Variants in GLYATL2 observed in about 807,000 individuals in gnomAD.
GLYATL2 encodes the protein glycine N-acyltransferase-like protein 2.
In GLYATL2, 25 loss-of-function variants were observed where a neutral mutation model predicts 21.4. The ratio of observed to expected loss-of-function variants is 1.17; its 90% confidence interval spans 0.85 to 1.63. The LOEUF (loss-of-function observed/expected upper bound fraction) is 1.63, where lower values mean the gene tolerates loss of function less well. Among genes scored for constraint, GLYATL2 ranks in the 40% most tolerant of loss-of-function variants. The probability of loss-of-function intolerance (pLI) is 0.00; values close to 1 mark genes in which losing one functional copy is unlikely to be tolerated. For synonymous variants in GLYATL2, 114 were observed against 118.2 expected (o/e 0.96, Z 0.23); for missense variants, 361 against 343.3 (o/e 1.05, Z -0.41).
chr11:58,874,121 C>T (rs956945699), intron 1 of GLYATL2, among the ~76,000 whole-genome samples: 30 of 152,128 alleles, frequency 2.0e-4, no homozygotes, highest in South Asian at 4.2e-4. Context: ...TCTGTGGGAT[C>T]GGTGGTGATA....
At chr11:58,902,037 G>A (rs762680414) in intron 1 of GLYATL2, among the ~76,000 whole-genome samples, 2 of 152,282 alleles carry the variant, frequency 1.3e-5, no homozygotes, top group South Asian at 4.1e-4. Context: ...ATCCCCATGA[G>A]TGCATTGTCT....
chr11:58,905,470 C>T (rs1360704264), upstream of GLYATL2: 1 of 456,264 alleles, frequency 2.2e-6, no homozygotes, highest in Non-Finnish European at 4.4e-6. Flanking sequence ...AGCACCTTGG[C>T]GGGCTATTCC....
intron 1 of GLYATL2, among the ~76,000 whole-genome samples, chr11:58,869,524 T>G (rs1241831280): frequency 1.3e-5 from 2 of 152,228 alleles, no homozygotes; most frequent in Non-Finnish European, 2.9e-5. Context: ...GAACATGTTT[T>G]CAGACTGGTG....
intron 5 of GLYATL2, among the ~76,000 whole-genome samples, 183 bp from the exon 6 acceptor site, chr11:58,835,020 A>G (rs546127495): frequency 6.6e-6 from 1 of 152,310 alleles, no homozygotes; most frequent in South Asian, 2.1e-4. Context: ...ATGGGGGAAC[A>G]CTGTGTGTTT....
intron 1 of GLYATL2, among the ~76,000 whole-genome samples, chr11:58,856,521 C>T (rs1227088137): frequency 1.3e-5 from 2 of 152,186 alleles, no homozygotes; most frequent in Non-Finnish European, 2.9e-5. Context: ...TATGCTTAAT[C>T]ATTTTTCGCT....
At chr11:58,905,362 G>GCT, upstream of GLYATL2, 1 of 425,556 alleles carries the variant, frequency 2.3e-6, no homozygotes, top group Non-Finnish European at 4.8e-6. Flanking sequence ...TCAGGGTGGA[G>GCT]CTCTCTCTGC....
intron 1 of GLYATL2, among the ~76,000 whole-genome samples, chr11:58,842,519 TGC>T (rs1328726351): frequency 1.4e-4 from 19 of 133,914 alleles, no homozygotes; most frequent in East Asian, 6.3e-4. Context: ...TGTGTGTGTG[TGC>T]GCCCTGTGAT....
chr11:58,846,232 AT>A (rs201939129), upstream of GLYATL2, among the ~76,000 whole-genome samples: 202 of 152,110 alleles, frequency 1.3e-3, no homozygotes, highest in Non-Finnish European at 2.1e-3. Flanking sequence ...GAGCCATTAA[AT>A]TTTTTTTATA....
chr11:58,873,915 C>T (rs1854174477), intron 1 of GLYATL2, among the ~76,000 whole-genome samples: 1 of 152,048 alleles, frequency 6.6e-6, no homozygotes, highest in Non-Finnish European at 1.5e-5. Context: ...CCATCTGGTC[C>T]TGGACTTTTT....
At chr11:58,891,550 C>CA (rs1485718363) in intron 1 of GLYATL2, among the ~76,000 whole-genome samples, 1 of 152,194 alleles carries the variant, frequency 6.6e-6, no homozygotes, top group Admixed American at 6.5e-5. Context: ...GATCCCATCA[C>CA]ACTGGTAGTG....
chr11:58,850,250 G>A (rs1304641144), intron 1 of GLYATL2, among the ~76,000 whole-genome samples: 1 of 151,932 alleles, frequency 6.6e-6, no homozygotes. Context: ...ACCTGTTGAG[G>A]CATGTTTCTT....
intron 2 of GLYATL2, 142 bp downstream of exon 2, chr11:58,839,393 G>A (rs1487755097): frequency 2.1e-6 from 1 of 474,164 alleles, no homozygotes; most frequent in African/African-American, 2.0e-5. Context: ...GTGATTGACT[G>A]GATATTGATA....
intron 1 of GLYATL2, among the ~76,000 whole-genome samples, chr11:58,843,733 AC>A (rs2134579684): frequency 6.6e-6 from 1 of 152,266 alleles, no homozygotes; most frequent in South Asian, 2.1e-4. Context: ...GGAAAAATGT[AC>A]TTAAAAATAG....
intron 1 of GLYATL2, among the ~76,000 whole-genome samples, chr11:58,866,049 T>C (rs1249694127): frequency 1.3e-5 from 2 of 148,834 alleles, no homozygotes; most frequent in African/African-American, 4.8e-5. Context: ...CCCAAATCCC[T>C]GATCTAGCTA....
rs1853389617 is a variant in GLYATL2, at chr11:58,834,496, T to A, written c.818A>T (p.Asn273Ile). 6.2e-7 allele frequency: 1 copy of A among 1,612,758 alleles called. No homozygotes were observed. The highest frequency in any genetic ancestry group is 1.1e-5 in the South Asian group (1 of 90,716). Residue 273 changes from asparagine to isoleucine, a missense_variant, in exon 6 of 6, where the codon AAT becomes ATT. Physicochemically the swap from Asn to Ile is moderately radical, Grantham distance 149. Transcript: ENST00000287275. Reference protein sequence around the residue: ...NNEKSLQALNNLGFKICPCGW... With the variant: ...NNEKSLQALNILGFKICPCGW... ...ACAAGGACAAATCTTAAACCCCAAA[T>A]TGTTCAGTGCCTGTAGGCTTTTCTC...
intron 1 of GLYATL2, among the ~76,000 whole-genome samples, chr11:58,893,642 C>A (rs1377847827): frequency 6.6e-6 from 1 of 152,116 alleles, no homozygotes; most frequent in Non-Finnish European, 1.5e-5. Context: ...ACAATCCAGG[C>A]TGGAGGTGGG....
chr11:58,903,534 G>A (rs763390302), intron 1 of GLYATL2, among the ~76,000 whole-genome samples: 3 of 152,022 alleles, frequency 2.0e-5, no homozygotes, highest in Admixed American at 6.5e-5. Flanking sequence ...GTATCCGGGC[G>A]TGGTGACAGG....
rs1168763552 is a variant in GLYATL2, at chr11:58,834,658, T to A, written c.656A>T (p.Gln219Leu). 5 of 1,613,572 alleles carry A rather than the reference T, an allele frequency of 3.1e-6. No individual in the cohort carries two copies. The highest frequency in any genetic ancestry group is 2.7e-5 in the African/African-American group (2 of 75,026). The change falls in exon 6 of 6, where the codon CAG (glutamine) becomes CTG (leucine). Residue 219 changes from glutamine (Q) to leucine (L), a missense_variant. Physicochemically the swap from Gln to Leu is moderately radical, Grantham distance 113 (BLOSUM62 -2). Coordinates refer to ENST00000287275, the MANE Select transcript of GLYATL2 (RefSeq NM_145016.4). Reference protein sequence around the residue: ...GQLVSWIVMEQSCELRMGYTV... With the variant: ...GQLVSWIVMELSCELRMGYTV... ...ATAACCCATTCTCAACTCACAGGAC[T>A]GTTCCATCACAATCCAAGAGACAAG... is the stretch of plus-strand genomic sequence containing the variant.
intron 1 of GLYATL2, among the ~76,000 whole-genome samples, chr11:58,875,417 G>T (rs921008704): frequency 3.9e-5 from 6 of 152,006 alleles, no homozygotes; most frequent in Non-Finnish European, 7.4e-5. Flanking sequence ...TATTTTTGCA[G>T]TGGCTGGTAC....
Sources: allele counts gnomAD v4.1 joint callset (sites outside exome capture counted in the v4.1 genomes callset), GRCh38; gene constraint gnomAD v4.1.1; transcripts MANE v1.5; gene names NCBI Gene and HGNC (gene_info 2026-07-23, HGNC 2026-07-21).